Variants in ARHGAP21 observed in about 807,000 individuals in gnomAD.
ARHGAP21 encodes the protein Rho GTPase activating protein 21, also known as rho GTPase-activating protein 21.
Under a neutral mutation model 164.6 loss-of-function variants are expected in ARHGAP21, and 38 were observed. The observed-to-expected ratio is 0.23, with a 90% CI of 0.18 to 0.30. ARHGAP21 has a LOEUF of 0.30. Ranked by LOEUF, ARHGAP21 falls within the 10% of genes least tolerant of loss-of-function variation. The pLI is 1.00. For missense variants in ARHGAP21, 1,822 were observed against 2,370.7 expected (o/e 0.77, Z 4.81); for synonymous variants, 766 against 857.9 (o/e 0.89, Z 1.87).
chr10:24,600,682 G>A lies in ARHGAP21; in HGVS notation c.3096C>T (p.Ile1032=). The change falls in exon 14 of 26, where the codon ATC becomes ATT. Residue 1032 remains isoleucine, a synonymous_variant. Coordinates refer to ENST00000396432, the MANE Select transcript of ARHGAP21 (RefSeq NM_020824.4). ...GGTTGCTGCTCTCCTGGATCGTCTT[G>A]ATCCAAGCTAGCATATCATCTCTGT... ...AEDRDDMLAW[I]KTIQESSNLN... The A allele has an allele frequency of 1.9e-6, 3 of 1,613,902 alleles. No homozygotes were observed. The highest frequency in any genetic ancestry group is 2.5e-6 in the Non-Finnish European group (3 of 1,179,850).
intron 9 of ARHGAP21, among the ~76,000 whole-genome samples, chr10:24,616,719 A>G (rs1055039725): frequency 6.6e-6 from 1 of 152,196 alleles, no homozygotes; most frequent in Non-Finnish European, 1.5e-5. Flanking sequence ...TATAAATTAG[A>G]GAAGTGTAGG....
At position 24,602,037 on chromosome 10, in the gene ARHGAP21, T is replaced by C; in HGVS notation, c.2788A>G (p.Ser930Gly). 1 of 1,612,768 alleles carries C rather than the reference T, an allele frequency of 6.2e-7. No homozygotes were observed. The stretch of plus-strand genomic sequence containing the variant: ...AGCCACCCTTCCTTGGCAGCATCAC[T>C]GAAGACCTCTGAGGAAGAATCTTTT... ...SRKDSSSEVF[S>G]DAAKEGWLHF... is the part of the protein sequence containing the mutation. The change falls in exon 13 of 26, where the codon AGT becomes GGT. Residue 930 changes from serine (S) to glycine (G), a missense_variant. Transcript: ENST00000396432.
chr10:24,670,487 G>A (rs1158930772), intron 2 of ARHGAP21, 90 bp from the exon 3 acceptor site: 1 of 804,374 alleles, frequency 1.2e-6, no homozygotes, highest in Admixed American at 3.8e-5. Flanking sequence ...TAATACCTGA[G>A]CGCCGATATG....
At chr10:24,602,140 AT>A in intron 12 of ARHGAP21, 37 bp from the exon 13 acceptor site, 1 of 1,577,816 alleles carries the variant, frequency 6.3e-7, no homozygotes, top group Non-Finnish European at 8.6e-7. Context: ...AAATGTCAGC[AT>A]TTTCCTTTAT....
intron 2 of ARHGAP21, among the ~76,000 whole-genome samples, chr10:24,717,538 T>A (rs549196526): frequency 6.6e-6 from 1 of 152,006 alleles, no homozygotes; most frequent in South Asian, 2.1e-4. Context: ...AAGACCAGTA[T>A]GATGAGTAAA....
chr10:24,685,633 T>C (rs1842144700), intron 2 of ARHGAP21, among the ~76,000 whole-genome samples: 1 of 152,228 alleles, frequency 6.6e-6, no homozygotes, highest in African/African-American at 2.4e-5. Context: ...CCCAGCACTT[T>C]GGGAGGCCGA....
Position 24,602,042 on chromosome 10 carries a change from A to C in ARHGAP21, c.2783T>G (p.Val928Gly), listed in dbSNP as rs1314649954. 1.9e-6 allele frequency: 3 copies of C among 1,612,786 alleles called. No individual in the cohort carries two copies. The highest frequency in any genetic ancestry group is 2.5e-6 in the Non-Finnish European group (3 of 1,179,944). Residue 928 changes from valine to glycine, a missense_variant, in exon 13 of 26, where the codon GTC (valine) becomes GGC (glycine). By Grantham distance (109) the Val-to-Gly change is moderately radical (BLOSUM62 -3). Transcript: ENST00000396432. ...CCCTTCCTTGGCAGCATCACTGAAG[A>C]CCTCTGAGGAAGAATCTTTTCTGGA... ...SGSRKDSSSE[V>G]FSDAAKEGWL...
intron 4 of ARHGAP21, among the ~76,000 whole-genome samples, chr10:24,643,361 T>C (rs1837268966): frequency 6.6e-6 from 1 of 152,216 alleles, no homozygotes; most frequent in Non-Finnish European, 1.5e-5. Context: ...CTCTGCAAAC[T>C]CAGAAAAATT....
chr10:24,704,810 T>C (rs541185417), intron 2 of ARHGAP21, among the ~76,000 whole-genome samples: 7 of 152,168 alleles, frequency 4.6e-5, no homozygotes, highest in African/African-American at 1.7e-4. Context: ...TTCTCCATGT[T>C]GGCCAGGCTG....
intron 9 of ARHGAP21, 78 bp downstream of exon 9, chr10:24,619,395 T>C (rs1296694516): frequency 1.1e-5 from 15 of 1,395,164 alleles, no homozygotes; most frequent in Middle Eastern, 1.9e-4. Context: ...TCTATGCCTA[T>C]TGAACTAGAA....
At chr10:24,632,794 T>C (rs1420294434) in intron 6 of ARHGAP21, among the ~76,000 whole-genome samples, 2 of 152,200 alleles carry the variant, frequency 1.3e-5, no homozygotes, top group East Asian at 1.9e-4. Context: ...TGGTAACTCT[T>C]TGGTTTCTAA....
chr10:24,720,795 G>A (rs1845848910), intron 2 of ARHGAP21, among the ~76,000 whole-genome samples: 1 of 152,168 alleles, frequency 6.6e-6, no homozygotes, highest in Non-Finnish European at 1.5e-5. Flanking sequence ...GTGAGACAGT[G>A]AATGAGGGTT....
chr10:24,589,222 G>T, intron 25 of ARHGAP21, 49 bp downstream of exon 25: 2 of 1,528,446 alleles, frequency 1.3e-6, no homozygotes, highest in Non-Finnish European at 1.8e-6. Context: ...ACAATCAGCC[G>T]AAAAACAATT....
intron 8 of ARHGAP21, among the ~76,000 whole-genome samples, chr10:24,622,112 A>T (rs564953899): frequency 5.0e-4 from 76 of 152,230 alleles, no homozygotes; most frequent in African/African-American, 1.7e-3. Flanking sequence ...ACATTTCTCT[A>T]TTACTAACAG....
intron 9 of ARHGAP21, among the ~76,000 whole-genome samples, chr10:24,609,085 C>T (rs2077149323): frequency 6.6e-6 from 1 of 152,158 alleles, no homozygotes; most frequent in African/African-American, 2.4e-5. Context: ...AATTCTGTTA[C>T]AGATTAATGA....
intron 9 of ARHGAP21, among the ~76,000 whole-genome samples, 159 bp downstream of exon 9, chr10:24,619,314 T>C (rs944243270): frequency 5.3e-5 from 8 of 152,218 alleles, no homozygotes; most frequent in Admixed American, 2.0e-4. Context: ...TTAAAGAGGT[T>C]TGTGAAAGCT....
At chr10:24,649,269 G>A (rs1837914899) in intron 4 of ARHGAP21, among the ~76,000 whole-genome samples, 1 of 152,146 alleles carries the variant, frequency 6.6e-6, no homozygotes, top group African/African-American at 2.4e-5. Flanking sequence ...AAACCTAGCT[G>A]CTAGAAAATT....
chr10:24,644,754 T>C (rs1183351841), intron 4 of ARHGAP21, among the ~76,000 whole-genome samples: 3 of 152,200 alleles, frequency 2.0e-5, no homozygotes, highest in Non-Finnish European at 2.9e-5. Flanking sequence ...CCTTTCTGAT[T>C]CTTCTTTCTC....
intron 4 of ARHGAP21, among the ~76,000 whole-genome samples, chr10:24,654,547 G>A (rs2131585318): frequency 6.6e-6 from 1 of 152,214 alleles, no homozygotes; most frequent in South Asian, 2.1e-4. Flanking sequence ...AAATACCTGG[G>A]AATCCAACTT....
Sources: allele counts gnomAD v4.1 joint callset (sites outside exome capture counted in the v4.1 genomes callset), GRCh38; gene constraint gnomAD v4.1.1; transcripts MANE v1.5; gene names NCBI Gene and HGNC (gene_info 2026-07-23, HGNC 2026-07-21).